The following POLA1 variants were observed in gnomAD, a reference collection of about 807,000 sequenced individuals.
The protein encoded by POLA1 is DNA polymerase alpha catalytic subunit.
Under a neutral mutation model 124.0 loss-of-function variants are expected in POLA1, and 15 were observed. The ratio of observed to expected loss-of-function variants is 0.12; its 90% CI spans 0.08 to 0.19. The LOEUF (loss-of-function observed/expected upper bound fraction) is 0.19. POLA1 is among the 10% of genes least tolerant of loss of function. The pLI is 1.00. For missense variants in POLA1, 886 were observed against 1,103.4 expected (o/e 0.80, Z 2.79); for synonymous variants, 408 against 389.4 (o/e 1.05, Z -0.56).
At chrX:24,713,694 C>T (rs986515151) in intron 4 of POLA1, among the ~76,000 whole-genome samples, 3 of 112,335 alleles carry the variant, frequency 2.7e-5, no homozygotes, top group African/African-American at 9.7e-5. Flanking sequence ...GGATTACAGG[C>T]GTGAGCCACC....
rs144894333 is a variant in POLA1, at chrX:24,801,685, T to C, written c.2965-8213T>C. On this transcript the variant is annotated intron_variant, in intron 26 of 36. Coordinates refer to ENST00000379068, the MANE Select transcript of POLA1 (RefSeq NM_001330360.2). Reference sequence around the variant, plus strand: ...ACCCCTAACATTTATTGAGCTCTTATGTCCCAGAGACCATACAAAACAAAG... The same window carrying C: ...ACCCCTAACATTTATTGAGCTCTTACGTCCCAGAGACCATACAAAACAAAG... 1.3e-3 allele frequency among the ~76,000 whole-genome samples: 141 copies of C among 111,566 alleles called. 1 individual carries two copies. Among genetic ancestry groups the C allele is most frequent in the African/African-American group, 4.4e-3 (136 of 30,702 alleles).
chrX:24,987,319 C>A (rs1171943340), intron 36 of POLA1, among the ~76,000 whole-genome samples: 1 of 112,007 alleles, frequency 8.9e-6, no homozygotes, highest in Non-Finnish European at 1.9e-5. Flanking sequence ...AGATGCCCAG[C>A]TCAGCCATGC....
At position 24,809,882 on chromosome X, in the gene POLA1, C is replaced by A. The variant is rs1313920997; in HGVS notation, c.2965-16C>A. Reference sequence around the variant, plus strand: ...TAATTGTGTAACTTATTAATCTTGACTTTTGTTTCATTTAGATTTTGATGC... The same window carrying A: ...TAATTGTGTAACTTATTAATCTTGAATTTTGTTTCATTTAGATTTTGATGC... On this transcript the variant is annotated splice_polypyrimidine_tract_variant and intron_variant, in intron 26 of 36. Coordinates refer to ENST00000379068, the MANE Select transcript of POLA1 (RefSeq NM_001330360.2). The A allele has an allele frequency of 3.9e-6, 4 of 1,020,765 alleles. No homozygotes were observed. The African/African-American group carries it at 5.7e-5, about 14-fold the overall frequency. 84.1% of individuals were successfully genotyped at this position (1,020,765 alleles called of 1,213,427 possible). A position where few individuals can be genotyped will look rare whatever the true frequency, so the allele number is the denominator to read the frequency against.
chrX:24,851,638 C>T (rs7880361), intron 34 of POLA1, among the ~76,000 whole-genome samples: 104 of 112,862 alleles, frequency 9.2e-4, no homozygotes, highest in African/African-American at 3.3e-3. Context: ...CCTCCTCTGA[C>T]GGGAAAATTG....
intron 36 of POLA1, among the ~76,000 whole-genome samples, chrX:24,958,654 T>C (rs1232289777): frequency 1.8e-5 from 2 of 112,193 alleles, no homozygotes; most frequent in Non-Finnish European, 3.8e-5. Context: ...TCCGTGTAGT[T>C]AATATACTCT....
intron 36 of POLA1, among the ~76,000 whole-genome samples, chrX:24,961,034 C>T (rs944059609): frequency 3.6e-5 from 4 of 112,143 alleles, no homozygotes; most frequent in African/African-American, 1.3e-4. Flanking sequence ...TTAGTGAGGA[C>T]ACTTCTACTT....
chrX:24,783,522 C>G (rs1156771087), intron 26 of POLA1, among the ~76,000 whole-genome samples: 1 of 112,076 alleles, frequency 8.9e-6, no homozygotes, highest in African/African-American at 3.2e-5. Context: ...ATAGGAAAAT[C>G]TATTTTCCCC....
intron 30 of POLA1, among the ~76,000 whole-genome samples, chrX:24,821,212 A>G (rs2046082368): frequency 9.0e-6 from 1 of 111,653 alleles, no homozygotes; most frequent in Non-Finnish European, 1.9e-5. Flanking sequence ...GATATGGCCC[A>G]TTAACTTATA....
chrX:24,980,511 T>TA (rs1174475881), intron 36 of POLA1, among the ~76,000 whole-genome samples: 1 of 112,300 alleles, frequency 8.9e-6, no homozygotes, highest in African/African-American at 3.2e-5. Context: ...GTGCAGTAGT[T>TA]ACAATAAACA....
chrX:24,975,658 G>A (rs983667846), intron 36 of POLA1, among the ~76,000 whole-genome samples: 34 of 111,999 alleles, frequency 3.0e-4, no homozygotes, highest in African/African-American at 9.1e-4. Flanking sequence ...TAATGTCTTC[G>A]TATGATTTCG....
At chrX:24,910,579 A>G (rs2047436029) in intron 35 of POLA1, among the ~76,000 whole-genome samples, 1 of 111,928 alleles carries the variant, frequency 8.9e-6, no homozygotes, top group African/African-American at 3.2e-5. Context: ...TGCAAACACT[A>G]ATCAAAAGGA....
intron 24 of POLA1, among the ~76,000 whole-genome samples, chrX:24,746,201 G>A (rs923049600): frequency 8.1e-5 from 9 of 110,789 alleles, no homozygotes; most frequent in Non-Finnish European, 1.3e-4. Context: ...CTAGGTTGGT[G>A]AGCACTCCAG....
rs756790796 is a variant in POLA1, at chrX:24,966,204, C to CT, written c.4262-29598dup. 8.9e-5 allele frequency among the ~76,000 whole-genome samples: 10 copies of CT among 112,232 alleles called. No individual in the cohort carries two copies. The South Asian group carries it at 2.3e-3, about 25-fold the overall frequency. ...AAACATTTTGGTTCTACATATTAGA[C>CT]TTTAACTCTTGAATGCTAGCCCTGC... On this transcript the variant is annotated intron_variant, in intron 36 of 36. Coordinates refer to ENST00000379068, the MANE Select transcript of POLA1 (RefSeq NM_001330360.2).
At chrX:24,731,972 C>T (rs1229244522) in intron 15 of POLA1, among the ~76,000 whole-genome samples, 2 of 111,323 alleles carry the variant, frequency 1.8e-5, no homozygotes, top group Non-Finnish European at 3.8e-5. Context: ...TATTATTTTT[C>T]GAGACAGAGT....
At position 24,723,244 on chromosome X, in the gene POLA1, C is replaced by T; in HGVS notation, c.1177C>T (p.Leu393Phe). The T allele has an allele frequency of 8.5e-7, 1 of 1,183,222 alleles. No individual in the cohort carries two copies. Among genetic ancestry groups the T allele is most frequent in the Non-Finnish European group, 1.2e-6 (1 of 869,558 alleles). Residue 393 changes from leucine to phenylalanine, a missense_variant, in exon 11 of 37, where the codon CTT (leucine) becomes TTT (phenylalanine). Leu to Phe is a conservative substitution (Grantham distance 22, BLOSUM62 0). Transcript: ENST00000379068. Reference protein sequence around the residue: ...CVMVKNIERTLYFLPREMKID... With the variant: ...CVMVKNIERTFYFLPREMKID... ...CATGGTGAAAAATATCGAGCGAACG[C>T]TTTACTTCCTTCCCCGTGAAATGGT...
At chrX:24,782,909 C>G (rs140565240) in intron 26 of POLA1, among the ~76,000 whole-genome samples, 8 of 110,162 alleles carry the variant, frequency 7.3e-5, no homozygotes, top group African/African-American at 2.3e-4. Context: ...GTCCTGGAAC[C>G]CAAGCATACA....
At chrX:24,957,700 A>G (rs2048122333) in intron 36 of POLA1, among the ~76,000 whole-genome samples, 1 of 111,904 alleles carries the variant, frequency 8.9e-6, no homozygotes, top group Non-Finnish European at 1.9e-5. Flanking sequence ...GGTAGAAAAG[A>G]GATACAGCAA....
At chrX:24,903,511 G>A (rs1289932814) in intron 35 of POLA1, among the ~76,000 whole-genome samples, 1 of 112,073 alleles carries the variant, frequency 8.9e-6, no homozygotes, top group Non-Finnish European at 1.9e-5. Flanking sequence ...TATACTGCTT[G>A]AATATGGGGA....
At chrX:24,859,363 A>G (rs2046687881) in intron 34 of POLA1, among the ~76,000 whole-genome samples, 1 of 111,059 alleles carries the variant, frequency 9.0e-6, no homozygotes, top group African/African-American at 3.3e-5. Context: ...TGCCTGCCGC[A>G]CTGGAGAGCT....
Sources: gnomAD v4.1 joint callset for allele counts (sites outside exome capture counted in the v4.1 genomes callset) on GRCh38, gnomAD v4.1.1 for gene constraint, MANE v1.5 for transcripts, NCBI Gene and HGNC (gene_info 2026-07-23, HGNC 2026-07-21) for gene names.